The following RUFY2 variants were observed in gnomAD, a reference collection of about 807,000 sequenced individuals.
The protein encoded by RUFY2 is RUN and FYVE domain-containing protein 2.
Under a neutral mutation model 94.4 loss-of-function variants are expected in RUFY2, and 49 were observed. The ratio of observed to expected loss-of-function variants is 0.52; its 90% CI spans 0.41 to 0.66. The LOEUF is 0.66. Ranked by LOEUF, RUFY2 falls within the 30% of genes least tolerant of loss-of-function variation. The pLI is 0.00. For synonymous variants in RUFY2, 255 were observed against 235.7 expected (o/e 1.08, Z -0.75); for missense variants, 541 against 692.8 (o/e 0.78, Z 2.46).
chr10:68,396,562 C>G (rs2050410816), intron 4 of RUFY2, among the ~76,000 whole-genome samples: 1 of 152,158 alleles, frequency 6.6e-6, no homozygotes, highest in Non-Finnish European at 1.5e-5. Context: ...TTTCCCCATC[C>G]TGGCTGATAA....
chr10:68,393,728 C>CAAAG, intron 6 of RUFY2: 1 of 234,340 alleles, frequency 4.3e-6, no homozygotes, highest in Non-Finnish European at 7.9e-6. Context: ...GACTGTGTCT[C>CAAAG]AAAAAAAAAA....
chr10:68,378,526 CTCTTTTCATT>C, intron 12 of RUFY2: 1 of 1,481,878 alleles, frequency 6.7e-7, no homozygotes, highest in Non-Finnish European at 9.0e-7. Context: ...ATTGTTGATT[CTCTTTTCATT>C]TAGTCTGTTT....
chr10:68,388,511 T>C (rs1376919317), intron 7 of RUFY2, among the ~76,000 whole-genome samples: 5 of 152,036 alleles, frequency 3.3e-5, no homozygotes, highest in Non-Finnish European at 7.4e-5. Context: ...TTTTGAAATA[T>C]TCTAAAGGTA....
chr10:68,404,852 C>A lies in RUFY2; in HGVS notation c.5-8G>T. On this transcript the variant is annotated splice_region_variant and splice_polypyrimidine_tract_variant and intron_variant, in intron 1 of 17. Transcript: ENST00000602465. ...CTGTGGGGTCTTTTGTAGCTGAAAACACAAGAAAGGAATCCAACATCATTT... is the reference window on the plus strand; with the variant it reads ...CTGTGGGGTCTTTTGTAGCTGAAAAAACAAGAAAGGAATCCAACATCATTT... 6.5e-7 allele frequency: 1 copy of A among 1,534,832 alleles called. No individual in the cohort carries two copies. Among genetic ancestry groups the A allele is most frequent in the Middle Eastern group, 1.7e-4 (1 of 5,756 alleles).
At position 68,344,241 on chromosome 10, in the gene RUFY2, T is replaced by A. The variant is rs985605004; in HGVS notation, c.*1527A>T. ...TTAGGCTATTCAGAAAAATTTAAAT[T>A]TCATGGAAGCATATATTCATGAAGA... is the stretch of plus-strand genomic sequence containing the variant. On this transcript the variant is annotated 3_prime_UTR_variant, in exon 18 of 18. Transcript: ENST00000602465. 1 of 152,158 alleles carries A rather than the reference T, an allele frequency of 6.6e-6. No homozygotes were observed. Among genetic ancestry groups the A allele is most frequent in the African/African-American group, 2.4e-5 (1 of 41,438 alleles). 9.4% of individuals were successfully genotyped at this position (152,158 alleles called of 1,614,324 possible).
At chr10:68,353,390 G>A (rs891505752) in intron 16 of RUFY2, among the ~76,000 whole-genome samples, 18 of 150,950 alleles carry the variant, frequency 1.2e-4, no homozygotes, top group Non-Finnish European at 2.4e-4. Context: ...TTCAGCTACT[G>A]GGGAGCCTGA....
At chr10:68,375,672 A>C (rs971195063) in intron 13 of RUFY2, among the ~76,000 whole-genome samples, 5 of 151,742 alleles carry the variant, frequency 3.3e-5, no homozygotes, top group African/African-American at 1.2e-4. Context: ...GCTACTCAGG[A>C]GGCTGAGGCA....
chr10:68,351,595 G>T (rs555399647), intron 16 of RUFY2, among the ~76,000 whole-genome samples: 8 of 151,368 alleles, frequency 5.3e-5, no homozygotes, highest in Middle Eastern at 3.4e-3. Flanking sequence ...GACTACAGGT[G>T]CGTGCCACCA....
At chr10:68,376,489 T>TATATATATATATATATATATATATATC (rs58358117) in intron 13 of RUFY2, among the ~76,000 whole-genome samples, 1 of 51,816 alleles carries the variant, frequency 1.9e-5, no homozygotes, top group Non-Finnish European at 4.0e-5. Flanking sequence ...TATATATATA[T>TATATATATATATATATATATATATATC]ATTCTCAGAA....
At chr10:68,349,885 C>T (rs961472798) in intron 16 of RUFY2, among the ~76,000 whole-genome samples, 3 of 151,824 alleles carry the variant, frequency 2.0e-5, no homozygotes, top group Non-Finnish European at 2.9e-5. Flanking sequence ...TATAACAGGA[C>T]GCTATTTTTA....
At chr10:68,373,950 T>C (rs902920924) in intron 13 of RUFY2, among the ~76,000 whole-genome samples, 1 of 148,690 alleles carries the variant, frequency 6.7e-6, no homozygotes, top group Non-Finnish European at 1.5e-5. Flanking sequence ...ACTAAAAAAA[T>C]AAAAAGAAAA....
chr10:68,369,896 A>G (rs2048135418), intron 13 of RUFY2, among the ~76,000 whole-genome samples: 1 of 152,214 alleles, frequency 6.6e-6, no homozygotes, highest in Non-Finnish European at 1.5e-5. Flanking sequence ...TAGCTGCCCA[A>G]TCTTGGACTT....
At chr10:68,358,635 GCA>G (rs1213877463) in intron 15 of RUFY2, among the ~76,000 whole-genome samples, 1 of 152,192 alleles carries the variant, frequency 6.6e-6, no homozygotes, top group Non-Finnish European at 1.5e-5. Flanking sequence ...TCTTGGCTGG[GCA>G]CAGTGGCTCA....
intron 4 of RUFY2, among the ~76,000 whole-genome samples, chr10:68,394,805 A>T (rs1475431292): frequency 6.6e-6 from 1 of 151,258 alleles, no homozygotes; most frequent in Admixed American, 6.6e-5. Context: ...AATTTTTTGT[A>T]TTTTTAGTAG....
chr10:68,381,449 A>G, intron 10 of RUFY2, 50 bp from the exon 11 acceptor site: 1 of 1,540,246 alleles, frequency 6.5e-7, no homozygotes, highest in South Asian at 1.2e-5. Context: ...GGATGTAAAA[A>G]TTAGATATAC....
chr10:68,363,140 G>A (rs1224275162), intron 15 of RUFY2, among the ~76,000 whole-genome samples: 2 of 152,074 alleles, frequency 1.3e-5, no homozygotes, highest in African/African-American at 2.4e-5. Flanking sequence ...AATCTCTCTA[G>A]TCTAGTCTCA....
intron 16 of RUFY2, among the ~76,000 whole-genome samples, chr10:68,350,659 C>T (rs1272412308): frequency 6.6e-6 from 1 of 151,990 alleles, no homozygotes; most frequent in African/African-American, 2.4e-5. Flanking sequence ...TTCTAAGGTA[C>T]TGGTCATGTT....
intron 15 of RUFY2, among the ~76,000 whole-genome samples, chr10:68,359,437 G>A (rs1033894402): frequency 5.2e-5 from 7 of 134,122 alleles, no homozygotes; most frequent in Admixed American, 1.5e-4. Context: ...GTATATATAC[G>A]TATATATAAA....
chr10:68,388,855 G>A (rs79528244), intron 7 of RUFY2, among the ~76,000 whole-genome samples: 44 of 107,082 alleles, frequency 4.1e-4, no homozygotes, highest in Middle Eastern at 5.3e-3. Flanking sequence ...AAAAAAAAAA[G>A]AAAAGAAAAG....
Sources: allele counts gnomAD v4.1 joint callset (sites outside exome capture counted in the v4.1 genomes callset), GRCh38; gene constraint gnomAD v4.1.1; transcripts MANE v1.5; gene names NCBI Gene and HGNC (gene_info 2026-07-23, HGNC 2026-07-21).